RGSL1: variants seen among roughly 807,000 people sequenced by gnomAD.
RGSL1 encodes regulator of G protein signaling protein-like.
In RGSL1, 97 loss-of-function variants were observed where a neutral mutation model predicts 124.7. The ratio of observed to expected loss-of-function variants is 0.78; its 90% CI spans 0.66 to 0.92. The LOEUF (loss-of-function observed/expected upper bound fraction) is 0.92. Among genes scored for constraint, RGSL1 ranks in the 40% least tolerant of loss-of-function variants. The probability of loss-of-function intolerance (pLI) is 0.00; values close to 1 mark genes in which losing one functional copy is unlikely to be tolerated. For missense variants in RGSL1, 1,233 were observed against 1,288.4 expected, an observed-to-expected ratio of 0.96 and a Z score of 0.66; for synonymous variants, 424 against 438.1, an observed-to-expected ratio of 0.97 and a Z score of 0.40.
chr1:182,559,839 T>A (rs72725054), intron 21 of RGSL1, among the ~76,000 whole-genome samples: 16,850 of 152,166 alleles, frequency 0.11, 998 homozygotes, highest in Non-Finnish European at 0.13. Flanking sequence ...CTCCTCTTAC[T>A]CTCTCCTCTT....
chr1:182,506,440 T>C (rs902267437), intron 9 of RGSL1, among the ~76,000 whole-genome samples: 1 of 152,170 alleles, frequency 6.6e-6, no homozygotes, highest in Non-Finnish European at 1.5e-5. Flanking sequence ...TGAGTCTACA[T>C]TGTTAGATGC....
At chr1:182,477,844 C>A (rs1558271632) in intron 6 of RGSL1, among the ~76,000 whole-genome samples, 1 of 152,284 alleles carries the variant, frequency 6.6e-6, no homozygotes, top group East Asian at 1.9e-4. Context: ...TGTGGCAAAA[C>A]CAGTCTGTGA....
intron 1 of RGSL1, chr1:182,453,547 G>A (rs1210665856): frequency 6.3e-6 from 1 of 157,582 alleles, no homozygotes; most frequent in East Asian, 1.8e-4. Context: ...TAGCCAGTGG[G>A]GTTGGAGGTA....
At chr1:182,553,591 G>A in intron 19 of RGSL1, 50 bp downstream of exon 19, 5 of 1,505,796 alleles carry the variant, frequency 3.3e-6, no homozygotes, top group Non-Finnish European at 4.5e-6. Context: ...AATCAGAGGG[G>A]GACTTTAAAA....
At chr1:182,507,059 G>A (rs1380898647) in intron 9 of RGSL1, 1 of 128,754 alleles carries the variant, frequency 7.8e-6, no homozygotes, top group Non-Finnish European at 1.6e-5. Flanking sequence ...GCACGATTTT[G>A]GCTCACCGCA....
chr1:182,517,715 C>A (rs2102223248), intron 9 of RGSL1, among the ~76,000 whole-genome samples: 1 of 152,210 alleles, frequency 6.6e-6, no homozygotes, highest in Admixed American at 6.5e-5. Context: ...TCCAAGATTT[C>A]TGTTTAATTT....
intron 21 of RGSL1, among the ~76,000 whole-genome samples, chr1:182,559,792 A>G (rs1661070654): frequency 6.6e-6 from 1 of 152,082 alleles, no homozygotes; most frequent in African/African-American, 2.4e-5. Flanking sequence ...TCTCCATCAC[A>G]CAGACATCAC....
chr1:182,543,533 A>G (rs10797782), intron 15 of RGSL1, among the ~76,000 whole-genome samples: 79,526 of 151,800 alleles, frequency 0.52, 21,031 homozygotes, highest in Non-Finnish European at 0.56. Flanking sequence ...ATCCTTCTCT[A>G]GTTTTGGTAT....
At chr1:182,521,551 AAAG>A (rs1658340582) in intron 9 of RGSL1, among the ~76,000 whole-genome samples, 1 of 152,328 alleles carries the variant, frequency 6.6e-6, no homozygotes, top group African/African-American at 2.4e-5. Flanking sequence ...GGAACTCTTA[AAAG>A]AAGAAGTCAA....
chr1:182,509,845 G>T (rs1469844190), intron 9 of RGSL1, among the ~76,000 whole-genome samples: 2 of 139,012 alleles, frequency 1.4e-5, no homozygotes, highest in Non-Finnish European at 3.2e-5. Context: ...TCCCGGACGG[G>T]GTGGCTGCCG....
At chr1:182,471,420 A>G in intron 4 of RGSL1, 1 of 456,470 alleles carries the variant, frequency 2.2e-6, no homozygotes, top group South Asian at 1.6e-5. Context: ...GGGCTTTTGC[A>G]AGTTCCTAAT....
intron 9 of RGSL1, among the ~76,000 whole-genome samples, chr1:182,501,147 G>A (rs1171967407): frequency 1.3e-5 from 2 of 151,938 alleles, no homozygotes; most frequent in African/African-American, 2.4e-5. Flanking sequence ...TCATGTTGAG[G>A]ATGTTCTCTT....
chr1:182,488,925 C>A, intron 7 of RGSL1, 55 bp from the exon 8 acceptor site: 1 of 1,397,412 alleles, frequency 7.2e-7, no homozygotes, highest in African/African-American at 1.4e-5. Flanking sequence ...AAAATTATTG[C>A]TTCTGGTCTA....
chr1:182,515,370 C>A (rs956825127), intron 9 of RGSL1, among the ~76,000 whole-genome samples: 7 of 151,976 alleles, frequency 4.6e-5, no homozygotes, highest in Non-Finnish European at 8.8e-5. Context: ...CAGCCTGGAG[C>A]CTGGAATCGA....
At chr1:182,481,066 A>G (rs1219883959) in intron 6 of RGSL1, among the ~76,000 whole-genome samples, 2 of 152,126 alleles carry the variant, frequency 1.3e-5, no homozygotes, top group African/African-American at 4.8e-5. Flanking sequence ...GAAGAACTAA[A>G]CCTAAACTTA....
chr1:182,496,947 C>T (rs1163674141), intron 9 of RGSL1, among the ~76,000 whole-genome samples: 1 of 152,102 alleles, frequency 6.6e-6, no homozygotes, highest in Non-Finnish European at 1.5e-5. Flanking sequence ...ACCTCTGGAG[C>T]ATATGTGTCT....
At chr1:182,515,224 G>A (rs961887664) in intron 9 of RGSL1, among the ~76,000 whole-genome samples, 1 of 152,152 alleles carries the variant, frequency 6.6e-6, no homozygotes, top group African/African-American at 2.4e-5. Flanking sequence ...CGTTCCCTGG[G>A]CCTTATCTAT....
At chr1:182,493,933 C>T (rs1379584306) in intron 9 of RGSL1, among the ~76,000 whole-genome samples, 1 of 152,140 alleles carries the variant, frequency 6.6e-6, no homozygotes, top group Non-Finnish European at 1.5e-5. Context: ...GTTTCTTGTC[C>T]TGGGAAACGT....
At chr1:182,546,084 G>GT (rs1660194549) in intron 15 of RGSL1, among the ~76,000 whole-genome samples, 1 of 152,022 alleles carries the variant, frequency 6.6e-6, no homozygotes, top group Non-Finnish European at 1.5e-5. Context: ...TCTATATCTT[G>GT]TAGGTGTCTT....
Sources: gnomAD v4.1 joint callset for allele counts (sites outside exome capture counted in the v4.1 genomes callset) on GRCh38, gnomAD v4.1.1 for gene constraint, MANE v1.5 for transcripts, NCBI Gene and HGNC (gene_info 2026-07-23, HGNC 2026-07-21) for gene names.